ZC3H14: variants seen among roughly 807,000 people sequenced by gnomAD.
The protein encoded by ZC3H14 is zinc finger CCCH domain-containing protein 14.
A neutral mutation model predicts 92.4 loss-of-function variants in ZC3H14; 31 were observed. The observed-to-expected ratio is 0.34, with a 90% CI of 0.25 to 0.45. The LOEUF is 0.45. Among genes scored for constraint, ZC3H14 ranks in the 20% least tolerant of loss-of-function variants. The probability of loss-of-function intolerance (pLI) is 1.00; values close to 1 mark genes in which losing one functional copy is unlikely to be tolerated. For missense variants in ZC3H14, 781 were observed against 897.3 expected (o/e 0.87, Z 1.66); for synonymous variants, 321 against 300.9 (o/e 1.07, Z -0.69).
chr14:88,622,869 G>T lies in ZC3H14; in HGVS notation c.*11118G>T. On this transcript the variant is annotated 3_prime_UTR_variant, in exon 17 of 17. Transcript: ENST00000251038. Reference sequence around the variant, plus strand: ...TCTAATATTCTTGTAAACTTTCTATGGCAATTTGAGGATATACTATATCTC... The same window carrying T: ...TCTAATATTCTTGTAAACTTTCTATTGCAATTTGAGGATATACTATATCTC... The T allele has an allele frequency of 4.1e-6, 2 of 492,966 alleles. No individual in the cohort carries two copies. The highest frequency in any genetic ancestry group is 4.6e-5 in the South Asian group (1 of 21,850). 30.5% of individuals were successfully genotyped at this position (492,966 alleles called of 1,614,324 possible). A position where few individuals can be genotyped will look rare whatever the true frequency, so the allele number is the denominator to read the frequency against.
Position 88,575,755 on chromosome 14 carries a change from G to T in ZC3H14, c.1023-85G>T, listed in dbSNP as rs533979377. The T allele has an allele frequency of 1.7e-5, 19 of 1,111,772 alleles. No individual in the cohort carries two copies. In the Admixed American group the frequency reaches 1.9e-4, roughly 11 times the overall value. 68.9% of individuals were successfully genotyped at this position (1,111,772 alleles called of 1,614,324 possible). On this transcript the variant is annotated intron_variant, in intron 7 of 16. Transcript: ENST00000251038. ...CTAGTCTGTTTAAAACCTAGAGAAG[G>T]TTGTGGTAAAGGCATAATAGATGGC... is the stretch of plus-strand genomic sequence containing the variant.
In ZC3H14 at chr14:88,616,824, C is replaced by CA; in HGVS notation, c.*5074dup. On this transcript the variant is annotated 3_prime_UTR_variant, in exon 17 of 17. Coordinates refer to ENST00000251038, the MANE Select transcript of ZC3H14 (RefSeq NM_024824.5). ...GAATGAGATACACAGGCACAGTTGA[C>CA]ATCAGCTTTCTCAGCATGTCTGGAC... The CA allele has an allele frequency of 6.2e-7, 1 of 1,613,934 alleles. No individual in the cohort carries two copies. The highest frequency in any genetic ancestry group is 8.5e-7 in the Non-Finnish European group (1 of 1,179,858).
At position 88,563,061 on chromosome 14, in the gene ZC3H14, G is replaced by A. The variant is rs556466702; in HGVS notation, c.-73G>A. The A allele has an allele frequency of 3.2e-5, 49 of 1,536,300 alleles. No homozygotes were observed. Among genetic ancestry groups the A allele is most frequent in the Middle Eastern group, 4.2e-4 (2 of 4,784 alleles). On this transcript the variant is annotated 5_prime_UTR_variant, in exon 1 of 17. Transcript: ENST00000251038. ...AGGAGGCGGTGGTGTCCCGGCTGCG[G>A]GGTAGGAGTCCGCGGCAGCCTCCGG...
chr14:88,594,626 T>C, intron 9 of ZC3H14: 2 of 1,601,932 alleles, frequency 1.2e-6, no homozygotes, highest in East Asian at 2.2e-5. Flanking sequence ...GATCACTGCT[T>C]TTACTTTCGA....
intron 2 of ZC3H14, chr14:88,567,770 G>T: frequency 2.2e-6 from 1 of 460,112 alleles, no homozygotes; most frequent in Non-Finnish European, 4.1e-6. Context: ...AAAGATTCAA[G>T]GAAGTGAATG....
Position 88,598,371 on chromosome 14 carries a change from G to C in ZC3H14, c.1354+1563G>C, listed in dbSNP as rs1005108450. 2.6e-5 allele frequency among the ~76,000 whole-genome samples: 4 copies of C among 152,238 alleles called. No homozygotes were observed. In the South Asian group the frequency reaches 8.3e-4, roughly 32 times the overall value. ...CCAAAACAAAGTTTTTCAAGTAATA[G>C]CCTGGTAGTCAGAGTTCTGCGAGCT... On this transcript the variant is annotated intron_variant, in intron 10 of 16. Coordinates refer to ENST00000251038, the MANE Select transcript of ZC3H14 (RefSeq NM_024824.5).
At chr14:88,580,770 A>G (rs1442783069) in intron 9 of ZC3H14, among the ~76,000 whole-genome samples, 1 of 152,200 alleles carries the variant, frequency 6.6e-6, no homozygotes, top group African/African-American at 2.4e-5. Flanking sequence ...TAACACTAAG[A>G]TGTATTATAT....
intron 9 of ZC3H14, among the ~76,000 whole-genome samples, chr14:88,582,654 C>T (rs1595618011): frequency 1.3e-5 from 2 of 152,100 alleles, no homozygotes; most frequent in Admixed American, 6.5e-5. Context: ...TTTTGCCTTA[C>T]AAAAATTCAT....
In ZC3H14 at chr14:88,613,933, T is replaced by C. The variant is rs539524485; in HGVS notation, c.*2182T>C. On this transcript the variant is annotated 3_prime_UTR_variant, in exon 17 of 17. Coordinates refer to ENST00000251038, the MANE Select transcript of ZC3H14 (RefSeq NM_024824.5). Reference sequence around the variant, plus strand: ...AGGTGGTCAGCTGATGACTACTTAGTCAATATGACCTTTAGTCGTGAAACT... The same window carrying C: ...AGGTGGTCAGCTGATGACTACTTAGCCAATATGACCTTTAGTCGTGAAACT... 17 of 152,306 alleles carry C rather than the reference T, an allele frequency of 1.1e-4. No individual in the cohort carries two copies. In the East Asian group the frequency reaches 2.3e-3, roughly 21 times the overall value. The allele number at this position is 152,306 out of a possible 1,614,324, so 9.4% of individuals were successfully genotyped here. A position where few individuals can be genotyped will look rare whatever the true frequency, so the allele number is the denominator to read the frequency against.
Position 88,626,785 on chromosome 14 carries a change from C to A in ZC3H14, c.*15034C>A. On this transcript the variant is annotated 3_prime_UTR_variant, in exon 17 of 17. Transcript: ENST00000251038. ...CATTCATGTGGCTGATGATCTAAGG[C>A]AAGAGAATGTAAAGTAGTCAAAGTC... is the stretch of plus-strand genomic sequence containing the variant. 6.4e-7 allele frequency: 1 copy of A among 1,572,842 alleles called. No homozygotes were observed. The highest frequency in any genetic ancestry group is 8.7e-7 in the Non-Finnish European group (1 of 1,151,008).
intron 16 of ZC3H14, among the ~76,000 whole-genome samples, 153 bp downstream of exon 16, chr14:88,611,093 T>C (rs775224527): frequency 6.6e-5 from 10 of 152,214 alleles, no homozygotes; most frequent in Non-Finnish European, 1.5e-4. Context: ...TTTGGCAAAA[T>C]AATTTACTAC....
Position 88,621,497 on chromosome 14 carries a change from A to G in ZC3H14, c.*9746A>G. ...CATCTATCTGTAAGCACAATGGGCT[A>G]GATTACATATTAGAGTCCATGCTAC... On this transcript the variant is annotated 3_prime_UTR_variant, in exon 17 of 17. Coordinates refer to ENST00000251038, the MANE Select transcript of ZC3H14 (RefSeq NM_024824.5). 8 of 609,440 alleles carry G rather than the reference A, an allele frequency of 1.3e-5. 1 individual carries two copies. The South Asian group carries it at 1.6e-4, about 12-fold the overall frequency. 37.8% of individuals were successfully genotyped at this position (609,440 alleles called of 1,614,324 possible).
intron 9 of ZC3H14, chr14:88,590,449 A>G (rs1158991022): frequency 6.6e-6 from 1 of 152,572 alleles, no homozygotes. Context: ...GGACGTTGGA[A>G]GAGCTGCGCG....
chr14:88,619,375 C>CAA lies in ZC3H14; in HGVS notation c.*7627_*7628dup, dbSNP rs1461071078. On this transcript the variant is annotated 3_prime_UTR_variant, in exon 17 of 17. Coordinates refer to ENST00000251038, the MANE Select transcript of ZC3H14 (RefSeq NM_024824.5). Reference sequence around the variant, plus strand: ...AGCAAAACTCCAACTCAAAACAAAACAAAACAAAATTTAATTTTTTAAATA... The same window carrying CAA: ...AGCAAAACTCCAACTCAAAACAAAACAAAAAACAAAATTTAATTTTTTAAATA... 4.6e-5 allele frequency: 7 copies of CAA among 152,280 alleles called. No homozygotes were observed. Among genetic ancestry groups the CAA allele is most frequent in the Admixed American group, 4.6e-4 (7 of 15,254 alleles). The allele number at this position is 152,280 out of a possible 1,614,324, so 9.4% of individuals were successfully genotyped here.
In ZC3H14 at chr14:88,566,419, T is replaced by G. The variant is rs371374181; in HGVS notation, c.80-1620T>G. On this transcript the variant is annotated intron_variant, in intron 2 of 16. Coordinates refer to ENST00000251038, the MANE Select transcript of ZC3H14 (RefSeq NM_024824.5). ...ACTTACCACCATTTGCTGGGCACTT[T>G]CATAAACGATTTGTTGTCAGGATTG... Among the ~76,000 whole-genome samples, 69 of 152,242 alleles carry G rather than the reference T, an allele frequency of 4.5e-4. No homozygotes were observed. In the South Asian group the frequency reaches 0.01, roughly 23 times the overall value.
chr14:88,566,013 A>C (rs1595469751), intron 2 of ZC3H14, among the ~76,000 whole-genome samples: 9 of 26,718 alleles, frequency 3.4e-4, no homozygotes, highest in Admixed American at 7.6e-4. Flanking sequence ...GATTACAGGC[A>C]CCTGCCACCA....
intron 16 of ZC3H14, 53 bp downstream of exon 16, chr14:88,610,993 T>G: frequency 5.2e-6 from 8 of 1,547,790 alleles, no homozygotes; most frequent in Non-Finnish European, 7.1e-6. Flanking sequence ...TTTTTCTAAT[T>G]TGCAGTTTCT....
In ZC3H14 at chr14:88,616,879, A is replaced by G; in HGVS notation, c.*5128A>G. 1 of 1,612,998 alleles carries G rather than the reference A, an allele frequency of 6.2e-7. No homozygotes were observed. The highest frequency in any genetic ancestry group is 8.5e-7 in the Non-Finnish European group (1 of 1,179,474). On this transcript the variant is annotated 3_prime_UTR_variant, in exon 17 of 17. Coordinates refer to ENST00000251038, the MANE Select transcript of ZC3H14 (RefSeq NM_024824.5). ...TTCCCAAAACCTCATCTCCTAGAAT[A>G]CTAGAGGGAAGGAACAAAAGAAAAC... is the stretch of plus-strand genomic sequence containing the variant.
chr14:88,581,343 G>A (rs1425232875), intron 9 of ZC3H14, among the ~76,000 whole-genome samples: 2 of 152,134 alleles, frequency 1.3e-5, no homozygotes, highest in Non-Finnish European at 2.9e-5. Context: ...CAGATCACCT[G>A]AGGTCAGGAG....
Sources: gnomAD v4.1 joint callset for allele counts (sites outside exome capture counted in the v4.1 genomes callset) on GRCh38, gnomAD v4.1.1 for gene constraint, MANE v1.5 for transcripts, NCBI Gene and HGNC (gene_info 2026-07-23, HGNC 2026-07-21) for gene names.